Variants in DACH2 observed in about 807,000 individuals in gnomAD.
DACH2 encodes dachshund family transcription factor 2, also known as dachshund homolog 2.
In DACH2, 17 loss-of-function variants were observed where a neutral mutation model predicts 35.8. That is an observed-to-expected ratio of 0.48 (90% CI 0.33 to 0.71). DACH2 has a LOEUF of 0.71. Among genes scored for constraint, DACH2 ranks in the 30% least tolerant of loss-of-function variants. DACH2 has a pLI of 0.02. For synonymous variants in DACH2, 195 were observed against 177.3 expected (o/e 1.10, Z -0.79); for missense variants, 469 against 472.7 (o/e 0.99, Z 0.07).
intron 3 of DACH2, among the ~76,000 whole-genome samples, chrX:86,648,257 T>C (rs768587606): frequency 3.5e-4 from 39 of 111,819 alleles, no homozygotes; most frequent in Non-Finnish European, 6.4e-4. Context: ...TTTAAATGCA[T>C]CTTTTCATTT....
intron 2 of DACH2, among the ~76,000 whole-genome samples, chrX:86,458,218 G>A (rs1472045147): frequency 9.0e-6 from 1 of 111,226 alleles, no homozygotes; most frequent in Non-Finnish European, 1.9e-5. Context: ...ATACTCTTTT[G>A]CATCATATTT....
chrX:86,413,833 C>G (rs1249022728), intron 2 of DACH2, among the ~76,000 whole-genome samples: 1 of 110,709 alleles, frequency 9.0e-6, no homozygotes, highest in Non-Finnish European at 1.9e-5. Context: ...CAGGGACCTA[C>G]TGGACCCACT....
intron 1 of DACH2, among the ~76,000 whole-genome samples, chrX:86,314,450 C>T (rs1440242123): frequency 1.8e-5 from 2 of 110,363 alleles, no homozygotes; most frequent in Non-Finnish European, 3.8e-5. Flanking sequence ...CCCAGGGGGT[C>T]GAGGCTGCAG....
chrX:86,463,906 C>A (rs181788791), intron 2 of DACH2, among the ~76,000 whole-genome samples: 36 of 111,434 alleles, frequency 3.2e-4, no homozygotes, highest in African/African-American at 9.8e-4. Flanking sequence ...ATGCGGCCAA[C>A]AAACACGAAA....
intron 2 of DACH2, among the ~76,000 whole-genome samples, chrX:86,464,162 A>C (rs986260790): frequency 4.5e-5 from 5 of 110,916 alleles, no homozygotes; most frequent in African/African-American, 1.6e-4. Flanking sequence ...CAGTAATCCC[A>C]TTACTGGGTA....
At chrX:86,430,088 A>G (rs1454986088) in intron 2 of DACH2, among the ~76,000 whole-genome samples, 2 of 112,232 alleles carry the variant, frequency 1.8e-5, no homozygotes, top group Non-Finnish European at 3.8e-5. Context: ...ATATTGTGGC[A>G]TGGTTTGAAC....
intron 2 of DACH2, among the ~76,000 whole-genome samples, chrX:86,394,172 C>T (rs1165885128): frequency 2.7e-5 from 3 of 109,526 alleles, no homozygotes; most frequent in Non-Finnish European, 5.7e-5. Flanking sequence ...TGATTGCATA[C>T]GTGTTTACGT....
intron 4 of DACH2, among the ~76,000 whole-genome samples, chrX:86,654,817 A>G (rs2040521980): frequency 9.0e-6 from 1 of 111,682 alleles, no homozygotes; most frequent in South Asian, 3.7e-4. Context: ...TATTATAATC[A>G]TAATTATTAT....
intron 3 of DACH2, among the ~76,000 whole-genome samples, chrX:86,606,065 C>T: frequency 1.8e-5 from 2 of 110,715 alleles, no homozygotes; most frequent in Admixed American, 1.9e-4. Flanking sequence ...TGTTTCTTGG[C>T]AATGGTTTGT....
chrX:86,828,569 G>T (rs1026646515), intron 11 of DACH2: 2 of 111,404 alleles, frequency 1.8e-5, no homozygotes, highest in African/African-American at 6.5e-5. Flanking sequence ...CAAGCAAACA[G>T]AATGAAAAAT....
intron 2 of DACH2, among the ~76,000 whole-genome samples, chrX:86,451,971 G>T (rs2037385722): frequency 9.0e-6 from 1 of 110,950 alleles, no homozygotes; most frequent in Non-Finnish European, 1.9e-5. Flanking sequence ...ATATGTTATA[G>T]ATGGCTCTTA....
At chrX:86,410,768 A>G (rs996398285) in intron 2 of DACH2, among the ~76,000 whole-genome samples, 4 of 109,123 alleles carry the variant, frequency 3.7e-5, no homozygotes, top group Non-Finnish European at 7.6e-5. Context: ...GTTTGGAGCT[A>G]GGATGCAAAT....
intron 1 of DACH2, among the ~76,000 whole-genome samples, chrX:86,297,007 A>G (rs1422450363): frequency 3.9e-5 from 4 of 102,658 alleles, no homozygotes; most frequent in Admixed American, 1.1e-4. Flanking sequence ...AGTCATGTAT[A>G]GAAACATATA....
At chrX:86,218,770 T>C (rs763899794) in intron 1 of DACH2, among the ~76,000 whole-genome samples, 2 of 112,224 alleles carry the variant, frequency 1.8e-5, no homozygotes, top group South Asian at 7.3e-4. Flanking sequence ...TTTTATGTTG[T>C]TTGTATTCTA....
chrX:86,250,217 G>T (rs1253777608), intron 1 of DACH2, among the ~76,000 whole-genome samples: 1 of 111,552 alleles, frequency 9.0e-6, no homozygotes, highest in African/African-American at 3.2e-5. Flanking sequence ...AAGTTGGAAA[G>T]AAAAGAAAAA....
intron 3 of DACH2, among the ~76,000 whole-genome samples, chrX:86,641,631 A>T (rs1260210225): frequency 9.0e-6 from 1 of 111,247 alleles, no homozygotes; most frequent in African/African-American, 3.3e-5. Flanking sequence ...ACAAGAAGAT[A>T]CTCCCCAAGA....
chrX:86,316,386 C>T (rs1474309038), intron 1 of DACH2, among the ~76,000 whole-genome samples: 1 of 110,495 alleles, frequency 9.1e-6, no homozygotes, highest in Non-Finnish European at 1.9e-5. Flanking sequence ...TCCTTCCGTG[C>T]CTGAGTTGTT....
intron 2 of DACH2, among the ~76,000 whole-genome samples, chrX:86,420,088 C>T (rs2036777401): frequency 8.9e-6 from 1 of 111,732 alleles, no homozygotes; most frequent in African/African-American, 3.3e-5. Flanking sequence ...GTGAACATCC[C>T]TACTCATACA....
At chrX:86,267,506 T>G (rs1184087776) in intron 1 of DACH2, among the ~76,000 whole-genome samples, 1 of 112,104 alleles carries the variant, frequency 8.9e-6, no homozygotes, top group East Asian at 2.8e-4. Context: ...AAATCAGTAC[T>G]TAGTATAAAC....
Sources: gnomAD v4.1 joint callset for allele counts (sites outside exome capture counted in the v4.1 genomes callset) on GRCh38, gnomAD v4.1.1 for gene constraint, MANE v1.5 for transcripts, NCBI Gene and HGNC (gene_info 2026-07-23, HGNC 2026-07-21) for gene names.